Variants in SEC11A observed in about 807,000 individuals in gnomAD.
The protein encoded by SEC11A is signal peptidase complex catalytic subunit SEC11A.
A neutral mutation model predicts 25.6 loss-of-function variants in SEC11A; 14 were observed. The observed-to-expected ratio is 0.55, with a 90% CI of 0.36 to 0.85. The LOEUF is 0.85. SEC11A is among the 40% of genes least tolerant of loss of function. The pLI is 0.01. For missense variants in SEC11A, 153 were observed against 222.9 expected, an observed-to-expected ratio of 0.69 and a Z score of 2.00; for synonymous variants, 83 against 76.4, an observed-to-expected ratio of 1.09 and a Z score of -0.45.
At position 84,691,430 on chromosome 15, in the gene SEC11A, GAA is replaced by G. The variant is rs1276024873; in HGVS notation, c.161+103_161+104del. On this transcript the variant is annotated intron_variant, in intron 2 of 5. Coordinates refer to ENST00000268220, the MANE Select transcript of SEC11A (RefSeq NM_014300.4). ...TAATTTTCTTCCAGGCCCTTTTCTG[GAA>G]AAGAGTAGTTTCTAAGAGAATGATA... 4.9e-5 allele frequency: 32 copies of G among 648,466 alleles called. No homozygotes were observed. The East Asian group carries it at 8.0e-4, about 16-fold the overall frequency. The allele number at this position is 648,466 out of a possible 1,614,324, so 40.2% of individuals were successfully genotyped here.
intron 3 of SEC11A, among the ~76,000 whole-genome samples, chr15:84,681,045 CA>C (rs1897271410): frequency 6.6e-6 from 1 of 151,996 alleles, no homozygotes; most frequent in Admixed American, 6.6e-5. Flanking sequence ...TTAAGGAGCT[CA>C]AATATTATGT....
chr15:84,701,839 G>A (rs1024369724), intron 1 of SEC11A, among the ~76,000 whole-genome samples: 3 of 152,084 alleles, frequency 2.0e-5, no homozygotes, highest in African/African-American at 7.2e-5. Context: ...GGAGGCCAAG[G>A]TGGGCGGATC....
chr15:84,688,786 T>C (rs897175248), intron 2 of SEC11A, among the ~76,000 whole-genome samples: 3 of 152,184 alleles, frequency 2.0e-5, no homozygotes, highest in African/African-American at 4.8e-5. Context: ...ATTCCAGCAC[T>C]TCGGGAGGCC....
intron 1 of SEC11A, among the ~76,000 whole-genome samples, chr15:84,714,321 T>C (rs1366005035): frequency 1.3e-5 from 2 of 152,200 alleles, no homozygotes; most frequent in East Asian, 1.9e-4. Context: ...GTCTACCTTC[T>C]GTCTTAAGCA....
chr15:84,681,275 C>T (rs1214446575), intron 3 of SEC11A, among the ~76,000 whole-genome samples: 2 of 152,030 alleles, frequency 1.3e-5, no homozygotes, highest in African/African-American at 4.8e-5. Context: ...ACAGAATAAC[C>T]CAGTTTCTCC....
intron 1 of SEC11A, among the ~76,000 whole-genome samples, chr15:84,696,196 G>A (rs191322847): frequency 6.6e-6 from 1 of 152,212 alleles, no homozygotes; most frequent in South Asian, 2.1e-4. Context: ...GAGGCACAGA[G>A]AAGCTAAGCG....
intron 1 of SEC11A, among the ~76,000 whole-genome samples, chr15:84,698,812 A>G (rs898365857): frequency 2.0e-5 from 3 of 152,184 alleles, no homozygotes; most frequent in African/African-American, 7.2e-5. Context: ...TGGATTTTGG[A>G]TATTTCAGAT....
intron 4 of SEC11A, among the ~76,000 whole-genome samples, chr15:84,674,532 G>A (rs1897084208): frequency 6.6e-6 from 1 of 151,740 alleles, no homozygotes; most frequent in South Asian, 2.1e-4. Flanking sequence ...CACATAGCCT[G>A]CTTGTGAATA....
At chr15:84,673,972 C>T (rs1897070183) in intron 4 of SEC11A, 2 of 151,540 alleles carry the variant, frequency 1.3e-5, no homozygotes, top group Admixed American at 1.3e-4. Flanking sequence ...TTTCCCAGAC[C>T]AACTAAGCCA....
chr15:84,702,441 G>A (rs1897976158), intron 1 of SEC11A, among the ~76,000 whole-genome samples: 3 of 151,078 alleles, frequency 2.0e-5, no homozygotes, highest in African/African-American at 7.3e-5. Flanking sequence ...ACTCCAGCCT[G>A]GGCAGCAAAA....
chr15:84,678,096 C>T (rs1244522324), intron 4 of SEC11A, among the ~76,000 whole-genome samples: 1 of 151,866 alleles, frequency 6.6e-6, no homozygotes, highest in African/African-American at 2.4e-5. Context: ...ACTTGGGTGG[C>T]TGAGACATGA....
At chr15:84,702,637 T>C (rs1005896530) in intron 1 of SEC11A, among the ~76,000 whole-genome samples, 2 of 152,046 alleles carry the variant, frequency 1.3e-5, no homozygotes, top group Non-Finnish European at 2.9e-5. Flanking sequence ...ATTACACAAC[T>C]TTACATATTA....
At chr15:84,679,965 A>C in intron 4 of SEC11A, 1 of 1,528,212 alleles carries the variant, frequency 6.5e-7, no homozygotes, top group Non-Finnish European at 8.8e-7. Context: ...TTCTCCTGAT[A>C]AAATCTGAAA....
chr15:84,690,923 A>G (rs1447229895), intron 2 of SEC11A, among the ~76,000 whole-genome samples: 2 of 152,190 alleles, frequency 1.3e-5, no homozygotes, highest in African/African-American at 4.8e-5. Context: ...AAAAGACAGA[A>G]GAATTTCAGG....
intron 1 of SEC11A, among the ~76,000 whole-genome samples, chr15:84,699,141 C>T (rs1478999868): frequency 2.0e-5 from 3 of 151,870 alleles, no homozygotes; most frequent in African/African-American, 4.8e-5. Context: ...ATGGCGAAAC[C>T]CCATCTCTAC....
intron 3 of SEC11A, 101 bp from the exon 4 acceptor site, chr15:84,680,933 T>C (rs1897269356): frequency 3.1e-6 from 3 of 962,906 alleles, no homozygotes; most frequent in Non-Finnish European, 4.6e-6. Flanking sequence ...CACTGGGGTA[T>C]CTTTTCACCA....
intron 3 of SEC11A, among the ~76,000 whole-genome samples, chr15:84,682,593 C>T (rs924130866): frequency 1.1e-4 from 17 of 152,006 alleles, no homozygotes; most frequent in Non-Finnish European, 8.8e-5. Flanking sequence ...GGATTACAAG[C>T]GCCCGCCACC....
intron 3 of SEC11A, 30 bp downstream of exon 3, chr15:84,687,595 A>G: frequency 6.6e-7 from 1 of 1,512,186 alleles, no homozygotes; most frequent in Non-Finnish European, 8.8e-7. Flanking sequence ...AAAAGCACTT[A>G]GAAACAAAGA....
At chr15:84,682,912 A>G (rs1374577628) in intron 3 of SEC11A, among the ~76,000 whole-genome samples, 1 of 152,190 alleles carries the variant, frequency 6.6e-6, no homozygotes, top group Non-Finnish European at 1.5e-5. Flanking sequence ...CCACTGTAGT[A>G]GAAAGAAGAA....
Sources: allele counts gnomAD v4.1 joint callset (sites outside exome capture counted in the v4.1 genomes callset), GRCh38; gene constraint gnomAD v4.1.1; transcripts MANE v1.5; gene names NCBI Gene and HGNC (gene_info 2026-07-23, HGNC 2026-07-21).